The following LRBA variants were observed in gnomAD, a reference collection of about 807,000 sequenced individuals.
LRBA encodes LPS responsive beige-like anchor protein.
A neutral mutation model predicts 330.0 loss-of-function variants in LRBA; 176 were observed. That is an observed-to-expected ratio of 0.53 (90% CI 0.47 to 0.60). The LOEUF (loss-of-function observed/expected upper bound fraction) is 0.60, where lower values mean the gene tolerates loss of function less well. Among genes scored for constraint, LRBA ranks in the 20% least tolerant of loss-of-function variants. LRBA has a pLI of 0.00. For missense variants in LRBA, 3,259 were observed against 3,444.8 expected (o/e 0.95, Z 1.35); for synonymous variants, 1,230 against 1,193.0 (o/e 1.03, Z -0.64).
At chr4:150,353,045 A>G (rs916166269) in intron 47 of LRBA, among the ~76,000 whole-genome samples, 4 of 152,184 alleles carry the variant, frequency 2.6e-5, no homozygotes, top group African/African-American at 7.2e-5. Flanking sequence ...TAGAACTTTC[A>G]ATCAGGGAAG....
At chr4:150,427,640 T>C (rs1264980695) in intron 46 of LRBA, among the ~76,000 whole-genome samples, 3 of 152,012 alleles carry the variant, frequency 2.0e-5, no homozygotes, top group African/African-American at 7.2e-5. Context: ...AATGTGCAAA[T>C]GCATGAATAA....
At chr4:150,467,538 T>C (rs1755589426) in intron 44 of LRBA, 135 bp downstream of exon 44, 2 of 537,680 alleles carry the variant, frequency 3.7e-6, no homozygotes, top group African/African-American at 2.0e-5. Flanking sequence ...TTTGAAAATC[T>C]GTTTAAGAGA....
chr4:150,991,342 T>A (rs1429934134), intron 2 of LRBA, among the ~76,000 whole-genome samples: 1 of 152,282 alleles, frequency 6.6e-6, no homozygotes, highest in East Asian at 1.9e-4. Flanking sequence ...AAGCACACTC[T>A]TCAGTATTCA....
intron 38 of LRBA, among the ~76,000 whole-genome samples, chr4:150,594,808 C>T (rs377572585): frequency 2.4e-4 from 37 of 152,070 alleles, no homozygotes; most frequent in Middle Eastern, 6.8e-3. Flanking sequence ...AATTCAAGTT[C>T]TTCAGAGCTA....
At chr4:150,978,427 C>T (rs1740448780) in intron 2 of LRBA, among the ~76,000 whole-genome samples, 2 of 152,144 alleles carry the variant, frequency 1.3e-5, no homozygotes, top group African/African-American at 4.8e-5. Context: ...GACAGATGGG[C>T]ACAAATAAGC....
chr4:150,443,853 A>AAAAT (rs70941406), intron 44 of LRBA, among the ~76,000 whole-genome samples: 7 of 75,480 alleles, frequency 9.3e-5, no homozygotes, highest in South Asian at 4.9e-4. Context: ...TAATTAAAAA[A>AAAAT]ATATATATAT....
intron 40 of LRBA, among the ~76,000 whole-genome samples, chr4:150,563,562 C>G (rs921953987): frequency 2.0e-5 from 3 of 152,030 alleles, no homozygotes; most frequent in East Asian, 1.9e-4. Context: ...AGAAATAAAG[C>G]GTATTCGAAT....
chr4:150,363,930 G>C (rs1240668393), intron 47 of LRBA, among the ~76,000 whole-genome samples: 1 of 152,158 alleles, frequency 6.6e-6, no homozygotes, highest in Non-Finnish European at 1.5e-5. Flanking sequence ...GTGCTGGTTT[G>C]GCAGAGTTAT....
intron 17 of LRBA, among the ~76,000 whole-genome samples, chr4:150,891,715 T>G (rs966820115): frequency 6.6e-6 from 1 of 152,198 alleles, no homozygotes; most frequent in Non-Finnish European, 1.5e-5. Context: ...CGTGAGTGTG[T>G]GCATGGACAC....
chr4:150,306,903 A>T (rs1169323105), intron 52 of LRBA, among the ~76,000 whole-genome samples: 1 of 152,142 alleles, frequency 6.6e-6, no homozygotes, highest in African/African-American at 2.4e-5. Flanking sequence ...ATTTCAACGA[A>T]TTACATAATC....
chr4:150,956,415 C>T (rs1308613868), intron 2 of LRBA, among the ~76,000 whole-genome samples: 2 of 148,722 alleles, frequency 1.3e-5, no homozygotes, highest in East Asian at 3.9e-4. Context: ...AAAACTTAGG[C>T]CCAGGTGGCT....
chr4:150,489,139 TATATA>T (rs1194375537), intron 41 of LRBA, among the ~76,000 whole-genome samples: 9 of 56,316 alleles, frequency 1.6e-4, no homozygotes, highest in Non-Finnish European at 1.3e-4. Flanking sequence ...GAATATATAA[TATATA>T]ATATATCAGA....
intron 34 of LRBA, among the ~76,000 whole-genome samples, chr4:150,762,231 A>AT (rs1251440533): frequency 6.6e-6 from 1 of 151,990 alleles, no homozygotes; most frequent in Non-Finnish European, 1.5e-5. Context: ...AGAAGAAAGA[A>AT]TTAAATAGTT....
chr4:150,265,673 AGGTAC>A lies in LRBA; in HGVS notation c.*44_*48del, dbSNP rs1448997030. ...ATGTGGTAGAAGAGAATGATGCTCC[AGGTAC>A]TTCTGCTCATCCTAGGGGCAGAGTT... On this transcript the variant is annotated 3_prime_UTR_variant, in exon 57 of 57. Transcript: ENST00000651943. The A allele has an allele frequency of 8.8e-7, 1 of 1,141,244 alleles. No individual in the cohort carries two copies. Among genetic ancestry groups the A allele is most frequent in the Non-Finnish European group, 1.3e-6 (1 of 748,756 alleles). 70.7% of individuals were successfully genotyped at this position (1,141,244 alleles called of 1,614,324 possible). A position where few individuals can be genotyped will look rare whatever the true frequency, so the allele number is the denominator to read the frequency against.
intron 22 of LRBA, among the ~76,000 whole-genome samples, chr4:150,864,204 G>A (rs571645177): frequency 3.9e-4 from 59 of 152,144 alleles, no homozygotes; most frequent in African/African-American, 1.4e-3. Context: ...CCAAAGTGCT[G>A]GGATTACAGG....
In LRBA at chr4:150,302,771, A is replaced by C; in HGVS notation, c.7871T>G (p.Phe2624Cys). 6.2e-7 allele frequency: 1 copy of C among 1,605,016 alleles called. No homozygotes were observed. ...TDTGRLIQVV[F>C]GHWDVVTCLA... ...GCAAGTGACGACATCCCAATGGCCA[A>C]ACACCACTTGGATCAATCTTCCTGT... Residue 2624 changes from phenylalanine (F) to cysteine (C), a missense_variant, in exon 53 of 57, where the codon TTT (phenylalanine) becomes TGT (cysteine). Physicochemically the swap from Phe to Cys is radical, Grantham distance 205 (BLOSUM62 -2). Transcript: ENST00000651943.
intron 40 of LRBA, among the ~76,000 whole-genome samples, chr4:150,500,608 C>G (rs1412916364): frequency 6.6e-6 from 1 of 152,058 alleles, no homozygotes; most frequent in Non-Finnish European, 1.5e-5. Context: ...ATAATCCCCC[C>G]TCTCCCAGAT....
intron 37 of LRBA, among the ~76,000 whole-genome samples, chr4:150,612,535 T>C (rs988882274): frequency 6.6e-6 from 1 of 152,224 alleles, no homozygotes; most frequent in Non-Finnish European, 1.5e-5. Flanking sequence ...AGATACTTTC[T>C]AGTACTTTCA....
chr4:150,347,985 A>G (rs2127045504), intron 48 of LRBA, among the ~76,000 whole-genome samples: 1 of 152,322 alleles, frequency 6.6e-6, no homozygotes. Context: ...AATTTATATT[A>G]ATTAAAATTA....
Sources: allele counts gnomAD v4.1 joint callset (sites outside exome capture counted in the v4.1 genomes callset), GRCh38; gene constraint gnomAD v4.1.1; transcripts MANE v1.5; gene names NCBI Gene and HGNC (gene_info 2026-07-23, HGNC 2026-07-21).